SH2D4B: variants seen among roughly 807,000 people sequenced by gnomAD.
The protein encoded by SH2D4B is SH2 domain containing 4B.
SH2D4B carries 45 observed loss-of-function variants against 61.5 expected under a neutral mutation model. The ratio of observed to expected loss-of-function variants is 0.73; its 90% CI spans 0.58 to 0.94. The LOEUF is 0.94. SH2D4B is among the 40% of genes least tolerant of loss of function. The pLI is 0.00. For missense variants in SH2D4B, 572 were observed against 574.2 expected (o/e 1.00, Z 0.04); for synonymous variants, 224 against 220.4 (o/e 1.02, Z -0.14).
intron 5 of SH2D4B, among the ~76,000 whole-genome samples, chr10:80,604,086 A>G (rs1428740873): frequency 6.6e-6 from 1 of 152,238 alleles, no homozygotes; most frequent in East Asian, 1.9e-4. Context: ...ATGCATATAT[A>G]AAGATCTAGA....
chr10:80,584,547 A>G (rs866932706), intron 3 of SH2D4B, among the ~76,000 whole-genome samples: 1 of 152,374 alleles, frequency 6.6e-6, no homozygotes, highest in Middle Eastern at 3.4e-3. Context: ...TACCTTTAAT[A>G]GCAAAACATA....
intron 6 of SH2D4B, among the ~76,000 whole-genome samples, chr10:80,617,014 A>C (rs1589359120): frequency 6.6e-6 from 1 of 152,190 alleles, no homozygotes; most frequent in South Asian, 2.1e-4. Context: ...AGGCACAGAG[A>C]GGTGAAGTCA....
chr10:80,565,678 TTCTA>T (rs1266757880), intron 1 of SH2D4B, among the ~76,000 whole-genome samples: 2 of 152,228 alleles, frequency 1.3e-5, no homozygotes, highest in African/African-American at 4.8e-5. Flanking sequence ...ATCCCTTCCC[TTCTA>T]TCTTTTGCCT....
chr10:80,632,885 T>TA (rs1842848638), intron 6 of SH2D4B, among the ~76,000 whole-genome samples: 1 of 151,832 alleles, frequency 6.6e-6, no homozygotes, highest in Admixed American at 6.6e-5. Context: ...TTCCTTGTCT[T>TA]ACTCTTCTTC....
At chr10:80,611,932 C>T (rs1476333689) in intron 6 of SH2D4B, among the ~76,000 whole-genome samples, 1 of 151,942 alleles carries the variant, frequency 6.6e-6, no homozygotes, top group Admixed American at 6.5e-5. Flanking sequence ...CAGGCTGGAG[C>T]TATTTTGTGA....
At chr10:80,640,530 C>T (rs1840273135) in intron 7 of SH2D4B, among the ~76,000 whole-genome samples, 1 of 152,142 alleles carries the variant, frequency 6.6e-6, no homozygotes, top group Admixed American at 6.6e-5. Context: ...CGCTTTATTT[C>T]ATTAATTTGA....
At chr10:80,587,027 A>G (rs1161060677) in intron 3 of SH2D4B, among the ~76,000 whole-genome samples, 1 of 152,012 alleles carries the variant, frequency 6.6e-6, no homozygotes, top group Non-Finnish European at 1.5e-5. Context: ...CAGAAGGAAC[A>G]AACTCCGGAT....
At chr10:80,587,078 G>A (rs1414181193) in intron 3 of SH2D4B, among the ~76,000 whole-genome samples, 2 of 150,034 alleles carry the variant, frequency 1.3e-5, no homozygotes, top group Admixed American at 6.6e-5. Flanking sequence ...TCGAGGGTCC[G>A]CGGCTTCATT....
intron 1 of SH2D4B, among the ~76,000 whole-genome samples, chr10:80,563,193 G>C (rs1037947270): frequency 6.6e-6 from 1 of 152,062 alleles, no homozygotes; most frequent in Non-Finnish European, 1.5e-5. Context: ...GAGCCACCGC[G>C]CCCGGCCGAT....
chr10:80,630,836 C>A (rs1323346494), intron 6 of SH2D4B, among the ~76,000 whole-genome samples: 3 of 152,132 alleles, frequency 2.0e-5, no homozygotes, highest in Admixed American at 2.0e-4. Context: ...GCAGCCAGTA[C>A]CAAACAGTGC....
At chr10:80,568,091 C>CTTT (rs1192521361) in intron 1 of SH2D4B, among the ~76,000 whole-genome samples, 1 of 145,142 alleles carries the variant, frequency 6.9e-6, no homozygotes, top group Non-Finnish European at 1.5e-5. Context: ...AGAGATCACA[C>CTTT]TTTTTTTTTT....
chr10:80,621,138 A>G (rs1055894898), intron 6 of SH2D4B, among the ~76,000 whole-genome samples: 1 of 152,256 alleles, frequency 6.6e-6, no homozygotes, highest in Non-Finnish European at 1.5e-5. Flanking sequence ...GGTTCTCAAC[A>G]GGGTGACTGT....
chr10:80,586,333 C>T (rs1842248118), intron 3 of SH2D4B, among the ~76,000 whole-genome samples: 1 of 152,238 alleles, frequency 6.6e-6, no homozygotes, highest in Non-Finnish European at 1.5e-5. Flanking sequence ...GCCAGCTGGG[C>T]TTCTGACTCT....
chr10:80,595,209 GA>G (rs1467536877), intron 4 of SH2D4B, among the ~76,000 whole-genome samples: 3 of 152,158 alleles, frequency 2.0e-5, no homozygotes, highest in Admixed American at 2.0e-4. Flanking sequence ...GCCCAGAACA[GA>G]GATTATCCTG....
intron 6 of SH2D4B, among the ~76,000 whole-genome samples, chr10:80,629,855 A>G (rs1160380656): frequency 3.3e-5 from 5 of 152,206 alleles, no homozygotes; most frequent in African/African-American, 7.2e-5. Context: ...ACCTGCTCTC[A>G]AGGCTACCCA....
chr10:80,638,304 A>G (rs1276344876), intron 7 of SH2D4B, among the ~76,000 whole-genome samples: 2 of 152,226 alleles, frequency 1.3e-5, no homozygotes, highest in Non-Finnish European at 2.9e-5. Flanking sequence ...GCCTCATAAA[A>G]TGAGTTAGAG....
chr10:80,569,703 C>T (rs547216002), intron 1 of SH2D4B, among the ~76,000 whole-genome samples: 1 of 151,574 alleles, frequency 6.6e-6, no homozygotes, highest in Non-Finnish European at 1.5e-5. Context: ...CTGGGGGGTT[C>T]GTTTTGGGGA....
rs1841985095 is a variant in SH2D4B, at chr10:80,567,479, A to C, written c.185-2675A>C. Among the ~76,000 whole-genome samples, 4 of 152,154 alleles carry C rather than the reference A, an allele frequency of 2.6e-5. No individual in the cohort carries two copies. The South Asian group carries it at 8.3e-4, about 32-fold the overall frequency. ...AGTCACTGCATCCAGCTGAAAGTCC[A>C]CTGTCTCTGGGGTTCTGCACTGGTC... On this transcript the variant is annotated intron_variant, in intron 1 of 7. Coordinates refer to ENST00000646907, the MANE Select transcript of SH2D4B (RefSeq NM_001388272.1).
At chr10:80,638,780 A>G (rs576029216) in intron 7 of SH2D4B, among the ~76,000 whole-genome samples, 2 of 152,044 alleles carry the variant, frequency 1.3e-5, no homozygotes, top group Admixed American at 6.5e-5. Context: ...TTGTGTGTCT[A>G]TCTCCTTCAG....
Sources: allele counts gnomAD v4.1 joint callset (sites outside exome capture counted in the v4.1 genomes callset), GRCh38; gene constraint gnomAD v4.1.1; transcripts MANE v1.5; gene names NCBI Gene and HGNC (gene_info 2026-07-23, HGNC 2026-07-21).